CMSS1: variants seen among roughly 807,000 people sequenced by gnomAD.
CMSS1 encodes the protein cms1 ribosomal small subunit homolog.
A neutral mutation model predicts 43.5 loss-of-function variants in CMSS1; 33 were observed. That is an observed-to-expected ratio of 0.76 (90% CI 0.57 to 1.01). The LOEUF is 1.01. Ranked by LOEUF, CMSS1 falls within the 50% of genes least tolerant of loss-of-function variation. The probability of loss-of-function intolerance (pLI) is 0.00; values close to 1 mark genes in which losing one functional copy is unlikely to be tolerated. For synonymous variants in CMSS1, 115 were observed against 117.2 expected (o/e 0.98, Z 0.12); for missense variants, 313 against 326.4 (o/e 0.96, Z 0.32).
chr3:100,072,706 C>G (rs7431827), intron 1 of CMSS1, among the ~76,000 whole-genome samples: 125,782 of 152,194 alleles, frequency 0.83, 52,016 homozygotes, highest in East Asian at 0.88. Context: ...TACAGATTAT[C>G]TACTGGACAG....
chr3:99,834,111 A>G (rs746978819), intron 1 of CMSS1, among the ~76,000 whole-genome samples: 2 of 152,242 alleles, frequency 1.3e-5, no homozygotes, highest in Non-Finnish European at 2.9e-5. Flanking sequence ...AGCTAGCCCA[A>G]AATTTCATAA....
chr3:99,871,898 G>C (rs146307532), intron 1 of CMSS1, among the ~76,000 whole-genome samples: 218 of 151,938 alleles, frequency 1.4e-3, no homozygotes, highest in Non-Finnish European at 2.6e-3. Flanking sequence ...TTCTGTTGTT[G>C]TAGCCTGATT....
chr3:100,039,657 A>G (rs1189357877), intron 1 of CMSS1: 1 of 152,194 alleles, frequency 6.6e-6, no homozygotes, highest in Non-Finnish European at 1.5e-5. Context: ...ATCACCAAGT[A>G]ATTTTTCATC....
intron 4 of CMSS1, among the ~76,000 whole-genome samples, chr3:100,165,876 C>A (rs2067061631): frequency 6.6e-6 from 1 of 152,160 alleles, no homozygotes; most frequent in Non-Finnish European, 1.5e-5. Context: ...GAGTTTCCAT[C>A]AACTTGCATT....
chr3:99,993,282 G>A (rs1189135470), intron 1 of CMSS1, among the ~76,000 whole-genome samples: 1 of 151,920 alleles, frequency 6.6e-6, no homozygotes, highest in East Asian at 1.9e-4. Context: ...CTATGAGCAT[G>A]GATGTTTTTT....
chr3:100,142,318 C>T (rs944844889), intron 1 of CMSS1, among the ~76,000 whole-genome samples: 7 of 152,054 alleles, frequency 4.6e-5, no homozygotes, highest in Admixed American at 6.5e-5. Flanking sequence ...AAAAATGTGT[C>T]TTTACTATGT....
chr3:99,959,608 A>G (rs1708435140), intron 1 of CMSS1, among the ~76,000 whole-genome samples: 1 of 152,224 alleles, frequency 6.6e-6, no homozygotes, highest in African/African-American at 2.4e-5. Flanking sequence ...GCAGTCTGAT[A>G]AATTGAATTT....
In CMSS1 at chr3:100,016,578, A is replaced by G. The variant is rs371978553; in HGVS notation, c.65-130395A>G. On this transcript the variant is annotated intron_variant, in intron 1 of 9. Transcript: ENST00000421999. ...TGCTGAAACTTCCTCCCTGATGTGA[A>G]TGCTCCTAATCTTCTGTGACCTTGA... is the stretch of plus-strand genomic sequence containing the variant. Among the ~76,000 whole-genome samples the G allele has an allele frequency of 4.6e-5, 7 of 152,186 alleles. No homozygotes were observed. In the East Asian group the frequency reaches 7.7e-4, roughly 17 times the overall value.
At chr3:99,902,649 T>G (rs1020736088) in intron 1 of CMSS1, among the ~76,000 whole-genome samples, 4 of 152,184 alleles carry the variant, frequency 2.6e-5, no homozygotes, top group African/African-American at 9.7e-5. Context: ...ACCAAAAAGA[T>G]TAACAAGTCA....
chr3:100,030,143 A>G lies in CMSS1; in HGVS notation c.65-116830A>G, dbSNP rs572404086. Reference sequence around the variant, plus strand: ...CCAAACACTTGCCTAAAGTCACACAACTAGAGTTAACCATAGGACTGAAAT... The same window carrying G: ...CCAAACACTTGCCTAAAGTCACACAGCTAGAGTTAACCATAGGACTGAAAT... On this transcript the variant is annotated intron_variant, in intron 1 of 9. Transcript: ENST00000421999. 9.2e-5 allele frequency among the ~76,000 whole-genome samples: 14 copies of G among 152,306 alleles called. 1 individual carries two copies. The South Asian group carries it at 2.9e-3, about 32-fold the overall frequency.
chr3:99,925,505 T>TTTTTG (rs1024734193), intron 1 of CMSS1, among the ~76,000 whole-genome samples: 7 of 152,342 alleles, frequency 4.6e-5, no homozygotes, highest in African/African-American at 1.2e-4. Flanking sequence ...ACTGAGATTT[T>TTTTTG]TTTTGTTTTG....
At chr3:99,867,880 G>GT (rs1484494741) in intron 1 of CMSS1, among the ~76,000 whole-genome samples, 1 of 152,134 alleles carries the variant, frequency 6.6e-6, no homozygotes, top group African/African-American at 2.4e-5. Flanking sequence ...TTCACAAGTT[G>GT]TAAGTATGCT....
In CMSS1 at chr3:100,134,718, GGT is replaced by G. The variant is rs369987678; in HGVS notation, c.65-12254_65-12253del. 8.5e-5 allele frequency among the ~76,000 whole-genome samples: 13 copies of G among 152,290 alleles called. No homozygotes were observed. In the East Asian group the frequency reaches 1.9e-3, roughly 23 times the overall value. On this transcript the variant is annotated intron_variant, in intron 1 of 9. Coordinates refer to ENST00000421999, the MANE Select transcript of CMSS1 (RefSeq NM_032359.4). The stretch of plus-strand genomic sequence containing the variant: ...AGATATTTGAACTCAATTAGGTTTA[GGT>G]TTTTTTGGAGGAGGGAGGCTGCCGG...
intron 1 of CMSS1, among the ~76,000 whole-genome samples, chr3:100,017,257 C>T (rs1365448298): frequency 6.6e-6 from 1 of 152,178 alleles, no homozygotes; most frequent in East Asian, 1.9e-4. Context: ...GTCCATTATA[C>T]AGAGCGGAAA....
intron 1 of CMSS1, among the ~76,000 whole-genome samples, chr3:100,053,654 T>C (rs2065411740): frequency 6.6e-6 from 1 of 152,204 alleles, no homozygotes; most frequent in Admixed American, 6.5e-5. Context: ...GTATTCAACC[T>C]GGTACAGCCA....
At chr3:99,984,060 T>TGTGTGTGTGTGTGTGTGTGTTTG (rs1559714079) in intron 1 of CMSS1, among the ~76,000 whole-genome samples, 19 of 25,024 alleles carry the variant, frequency 7.6e-4, no homozygotes, top group East Asian at 4.7e-3. Flanking sequence ...GTATGTGTGT[T>TGTGTGTGTGTGTGTGTGTGTTTG]TGTGTGTGTG....
At chr3:100,035,415 A>G (rs2065090504) in intron 1 of CMSS1, among the ~76,000 whole-genome samples, 1 of 152,138 alleles carries the variant, frequency 6.6e-6, no homozygotes, top group African/African-American at 2.4e-5. Context: ...CTGGGACTAC[A>G]GGCGCATGCC....
intron 1 of CMSS1, among the ~76,000 whole-genome samples, chr3:99,943,029 C>T (rs1292296535): frequency 3.3e-5 from 5 of 152,116 alleles, no homozygotes; most frequent in Non-Finnish European, 7.4e-5. Flanking sequence ...CTCATTTTAA[C>T]AACATTACCA....
At chr3:99,872,224 T>C (rs757293307) in intron 1 of CMSS1, among the ~76,000 whole-genome samples, 17 of 150,954 alleles carry the variant, frequency 1.1e-4, no homozygotes, top group Non-Finnish European at 2.1e-4. Flanking sequence ...ATGACCTCCA[T>C]TGCCCCTTCC....
Sources: allele counts gnomAD v4.1 joint callset (sites outside exome capture counted in the v4.1 genomes callset), GRCh38; gene constraint gnomAD v4.1.1; transcripts MANE v1.5; gene names NCBI Gene and HGNC (gene_info 2026-07-23, HGNC 2026-07-21).